ATP6V1G2: variants seen among roughly 807,000 people sequenced by gnomAD.
The protein encoded by ATP6V1G2 is V-type proton ATPase subunit G 2.
ATP6V1G2 carries 14 observed loss-of-function variants against 17.8 expected under a neutral mutation model. That is an observed-to-expected ratio of 0.79 (90% CI 0.52 to 1.23). ATP6V1G2 has a LOEUF of 1.23. Among genes scored for constraint, ATP6V1G2 ranks in the 50% most tolerant of loss-of-function variants. The pLI is 0.00. For synonymous variants in ATP6V1G2, 57 were observed against 54.8 expected, an observed-to-expected ratio of 1.04 and a Z score of -0.17; for missense variants, 112 against 152.2, an observed-to-expected ratio of 0.74 and a Z score of 1.39.
Position 31,544,502 on chromosome 6 carries a change from G to T in ATP6V1G2, c.*906C>A. 2 of 224,778 alleles carry T rather than the reference G, an allele frequency of 8.9e-6. No individual in the cohort carries two copies. The highest frequency in any genetic ancestry group is 1.8e-3 in the Middle Eastern group (1 of 544). The allele number at this position is 224,778 out of a possible 1,614,324, so 13.9% of individuals were successfully genotyped here. A position where few individuals can be genotyped will look rare whatever the true frequency, so the allele number is the denominator to read the frequency against. ...TTATTTTATTGATACTTTTTTTATT[G>T]TTACAATGGGAAAGTAAGGTGTCAA... On this transcript the variant is annotated 3_prime_UTR_variant, in exon 3 of 3. Coordinates refer to ENST00000303892, the MANE Select transcript of ATP6V1G2 (RefSeq NM_130463.4).
Position 31,545,930 on chromosome 6 carries a change from A to G in ATP6V1G2, c.183+179T>C. ...CCCACAAGCTCTATGTGGCCTTCAA[A>G]ACTCCCAGACTCTCCTACATATCAT... On this transcript the variant is annotated intron_variant, in intron 2 of 2. Coordinates refer to ENST00000303892, the MANE Select transcript of ATP6V1G2 (RefSeq NM_130463.4). The surrounding 1 kb of genome is among the most constrained non-coding windows in gnomAD (Gnocchi z 4.9). 1 of 656,242 alleles carries G rather than the reference A, an allele frequency of 1.5e-6. No individual in the cohort carries two copies. Among genetic ancestry groups the G allele is most frequent in the Non-Finnish European group, 2.7e-6 (1 of 373,080 alleles). 40.7% of individuals were successfully genotyped at this position (656,242 alleles called of 1,614,324 possible). A position where few individuals can be genotyped will look rare whatever the true frequency, so the allele number is the denominator to read the frequency against.
At chr6:31,546,616 A>AC (rs201666140), upstream of ATP6V1G2, 415 of 1,504,518 alleles carry the variant, frequency 2.8e-4, 4 homozygotes, top group East Asian at 8.4e-3. This position sits in a 1 kb window ranked among gnomAD's most constrained non-coding sequence, Gnocchi z 4.1. Context: ...GATGGCTCCC[A>AC]CCCCCCACCG....
rs2150355110 is a variant in ATP6V1G2, at chr6:31,545,603, G to A, written c.184-22C>T. 1.9e-6 allele frequency: 3 copies of A among 1,609,744 alleles called. No homozygotes were observed. Among genetic ancestry groups the A allele is most frequent in the Non-Finnish European group, 2.5e-6 (3 of 1,178,152 alleles). On this transcript the variant is annotated intron_variant, in intron 2 of 2. Transcript: ENST00000303892. This position sits in a 1 kb window ranked among gnomAD's most constrained non-coding sequence, Gnocchi z 4.9. ...TGGCCTGGGGGGTAGGGAGAGGGGT[G>A]GAAGAGAGAAAGGGAAAAGCAGAAA...
At position 31,545,878 on chromosome 6, in the gene ATP6V1G2, A is replaced by G; in HGVS notation, c.183+231T>C. ...GTTAATCATACTCCACATAGATGTT[A>G]TACTTTACACAGACTGTGGCATTCC... On this transcript the variant is annotated intron_variant, in intron 2 of 2. Coordinates refer to ENST00000303892, the MANE Select transcript of ATP6V1G2 (RefSeq NM_130463.4). The surrounding 1 kb of genome is among the most constrained non-coding windows in gnomAD (Gnocchi z 4.9). 1 of 615,056 alleles carries G rather than the reference A, an allele frequency of 1.6e-6. No individual in the cohort carries two copies. The highest frequency in any genetic ancestry group is 2.9e-6 in the Non-Finnish European group (1 of 347,606). The allele number at this position is 615,056 out of a possible 1,614,324, so 38.1% of individuals were successfully genotyped here. A position where few individuals can be genotyped will look rare whatever the true frequency, so the allele number is the denominator to read the frequency against.
Position 31,546,204 on chromosome 6 carries a change from C to T in ATP6V1G2, c.88G>A (p.Ala30Thr). 3.1e-6 allele frequency: 5 copies of T among 1,613,974 alleles called. No homozygotes were observed. Among genetic ancestry groups the T allele is most frequent in the Non-Finnish European group, 4.2e-6 (5 of 1,180,006 alleles). The change falls in exon 2 of 3, where the codon GCC (alanine) becomes ACC (threonine). Residue 30 changes from alanine to threonine, a missense_variant. Physicochemically the swap from Ala to Thr is moderately conservative, Grantham distance 58 (BLOSUM62 0). Transcript: ENST00000303892. This position sits in a 1 kb window ranked among gnomAD's most constrained non-coding sequence, Gnocchi z 4.1. Reference sequence around the variant, plus strand: ...TCCTTTGCCTGCTTCAGTCGCCGGGCCTTCCCTGGAGGCAGAAGAAAGGAC... The same window carrying T: ...TCCTTTGCCTGCTTCAGTCGCCGGGTCTTCCCTGGAGGCAGAAGAAAGGAC... ...EKVADARKRK[A>T]RRLKQAKEEA...
At chr6:31,546,674 G>A, upstream of ATP6V1G2, 2 of 887,714 alleles carry the variant, frequency 2.3e-6, no homozygotes, top group South Asian at 2.8e-5. The surrounding 1 kb of genome is among the most constrained non-coding windows in gnomAD (Gnocchi z 4.1). Context: ...CACTACCCCT[G>A]GGTCTTAGTG....
In ATP6V1G2 at chr6:31,544,797, A is replaced by G. The variant is rs1768832927; in HGVS notation, c.*611T>C. 2 of 456,220 alleles carry G rather than the reference A, an allele frequency of 4.4e-6. No individual in the cohort carries two copies. Among genetic ancestry groups the G allele is most frequent in the Non-Finnish European group, 8.8e-6 (2 of 226,836 alleles). 28.3% of individuals were successfully genotyped at this position (456,220 alleles called of 1,614,324 possible). On this transcript the variant is annotated 3_prime_UTR_variant, in exon 3 of 3. Transcript: ENST00000303892. ...AGAACCAATTTTTCAGAAAATAACT[A>G]GGGTCACAGAATGAACAAGTGGAAT...
rs536612683 is a variant in ATP6V1G2 at position 31,544,898 on chromosome 6, C to G, written c.*510G>C. 2.5e-5 allele frequency: 10 copies of G among 402,244 alleles called. No individual in the cohort carries two copies. The highest frequency in any genetic ancestry group is 2.1e-4 in the African/African-American group (10 of 48,032). 24.9% of individuals were successfully genotyped at this position (402,244 alleles called of 1,614,324 possible). A position where few individuals can be genotyped will look rare whatever the true frequency, so the allele number is the denominator to read the frequency against. ...TGAGCAGGTGGTGGTAATAGTATCA[C>G]AGGGTTGCTACTTACTGAATCACTG... On this transcript the variant is annotated 3_prime_UTR_variant, in exon 3 of 3. Coordinates refer to ENST00000303892, the MANE Select transcript of ATP6V1G2 (RefSeq NM_130463.4).
Position 31,546,446 on chromosome 6 carries a change from C to G in ATP6V1G2, c.82+32G>C. On this transcript the variant is annotated intron_variant, in intron 1 of 2. Coordinates refer to ENST00000303892, the MANE Select transcript of ATP6V1G2 (RefSeq NM_130463.4). This position sits in a 1 kb window ranked among gnomAD's most constrained non-coding sequence, Gnocchi z 4.1. ...TGTCCCCCACCCCCAATTTTCTTTC[C>G]AAACTCCTAAGGGAGGAAAGAGGAG... 6.2e-7 allele frequency: 1 copy of G among 1,604,834 alleles called. No homozygotes were observed. The highest frequency in any genetic ancestry group is 8.5e-7 in the Non-Finnish European group (1 of 1,172,674).
chr6:31,545,685 G>T lies in ATP6V1G2; in HGVS notation c.184-104C>A, dbSNP rs760130119. ...ATCCTGAAACAAAGCCTAGAAGAAA[G>T]GCCCTCTCAGAAACCACCCCCATCC... On this transcript the variant is annotated intron_variant, in intron 2 of 2. Coordinates refer to ENST00000303892, the MANE Select transcript of ATP6V1G2 (RefSeq NM_130463.4). The surrounding 1 kb of genome is among the most constrained non-coding windows in gnomAD (Gnocchi z 4.9). 7 of 1,305,228 alleles carry T rather than the reference G, an allele frequency of 5.4e-6. No individual in the cohort carries two copies. The highest frequency in any genetic ancestry group is 7.2e-6 in the Non-Finnish European group (7 of 969,626). The allele number at this position is 1,305,228 out of a possible 1,614,324, so 80.9% of individuals were successfully genotyped here.
chr6:31,545,795 G>T lies in ATP6V1G2; in HGVS notation c.184-214C>A. ...ATGCAACTTCATCCTAAAACAGACC[G>T]TAATATCCCCACCACCTCACCATCC... On this transcript the variant is annotated intron_variant, in intron 2 of 2. Transcript: ENST00000303892. This position sits in a 1 kb window ranked among gnomAD's most constrained non-coding sequence, Gnocchi z 4.9. The T allele has an allele frequency of 3.2e-6, 2 of 627,038 alleles. No individual in the cohort carries two copies. The highest frequency in any genetic ancestry group is 5.5e-6 in the Non-Finnish European group (2 of 361,318). The allele number at this position is 627,038 out of a possible 1,614,324, so 38.8% of individuals were successfully genotyped here. A position where few individuals can be genotyped will look rare whatever the true frequency, so the allele number is the denominator to read the frequency against.
Position 31,544,931 on chromosome 6 carries a change from A to G in ATP6V1G2, c.*477T>C, listed in dbSNP as rs1184188929. 2.7e-6 allele frequency: 1 copy of G among 373,468 alleles called. No homozygotes were observed. The highest frequency in any genetic ancestry group is 2.1e-5 in the African/African-American group (1 of 47,214). 23.1% of individuals were successfully genotyped at this position (373,468 alleles called of 1,614,324 possible). On this transcript the variant is annotated 3_prime_UTR_variant, in exon 3 of 3. Coordinates refer to ENST00000303892, the MANE Select transcript of ATP6V1G2 (RefSeq NM_130463.4). The stretch of plus-strand genomic sequence containing the variant: ...CTACTTACTGAATCACTGCTACAAC[A>G]TGCAAGGAACTGTGCTAGACTTTAC...
chr6:31,545,252 G>C lies in ATP6V1G2; in HGVS notation c.*156C>G. ...CAACAAGGAGATTCAGATGTGAGCA[G>C]GATATTTATAAGTGTCACAGGAAAA... is the stretch of plus-strand genomic sequence containing the variant. On this transcript the variant is annotated 3_prime_UTR_variant, in exon 3 of 3. Transcript: ENST00000303892. This position sits in a 1 kb window ranked among gnomAD's most constrained non-coding sequence, Gnocchi z 4.9. The C allele has an allele frequency of 1.2e-6, 1 of 861,532 alleles. No individual in the cohort carries two copies. 53.4% of individuals were successfully genotyped at this position (861,532 alleles called of 1,614,324 possible). A position where few individuals can be genotyped will look rare whatever the true frequency, so the allele number is the denominator to read the frequency against.
Position 31,545,465 on chromosome 6 carries a change from A to G in ATP6V1G2, c.300T>C (p.Leu100=), listed in dbSNP as rs569374123. 9 of 1,614,086 alleles carry G rather than the reference A, an allele frequency of 5.6e-6. No homozygotes were observed. In the Admixed American group the frequency reaches 1.3e-4, roughly 24 times the overall value. The change falls in exon 3 of 3, where the codon CTT becomes CTC. Residue 100 remains leucine (L), a synonymous_variant. Transcript: ENST00000303892. This position sits in a 1 kb window ranked among gnomAD's most constrained non-coding sequence, Gnocchi z 4.9. The part of the protein sequence containing the change: ...RNRERVLAQL[L]GMVCDVRPQV... The stretch of plus-strand genomic sequence containing the variant: ...GGGGCCTGACGTCGCAGACCATGCC[A>G]AGAAGCTGGGCCAGGACACGCTCTC...
In ATP6V1G2 at chr6:31,545,491, G is replaced by C. The variant is rs200350126; in HGVS notation, c.274C>G (p.Arg92Gly). 1.9e-6 allele frequency: 3 copies of C among 1,614,020 alleles called. No homozygotes were observed. The highest frequency in any genetic ancestry group is 2.2e-5 in the East Asian group (1 of 44,882). Residue 92 changes from arginine to glycine, a missense_variant, in exon 3 of 3, where the codon CGA (arginine) becomes GGA (glycine). Transcript: ENST00000303892. This position sits in a 1 kb window ranked among gnomAD's most constrained non-coding sequence, Gnocchi z 4.9. ...QGMQSSQQRN[R>G]ERVLAQLLGM... The stretch of plus-strand genomic sequence containing the variant: ...AGAAGCTGGGCCAGGACACGCTCTC[G>C]GTTTCTCTGCTGGGAGCTCTGCATG...
At chr6:31,546,633 TCTC>T (rs1482114299), upstream of ATP6V1G2, 29 of 1,390,852 alleles carry the variant, frequency 2.1e-5, no homozygotes, top group South Asian at 5.8e-5. This position sits in a 1 kb window ranked among gnomAD's most constrained non-coding sequence, Gnocchi z 4.1. Context: ...ACCGCTTACT[TCTC>T]CTCCTCCAGC....
In ATP6V1G2 at chr6:31,544,587, A is replaced by G. The variant is rs1000782414; in HGVS notation, c.*821T>C. On this transcript the variant is annotated 3_prime_UTR_variant, in exon 3 of 3. Transcript: ENST00000303892. ...CACAGTATCATTTTAGATCTTAGAA[A>G]GCAATGAGCATCTGATAAGTCTTTG... The G allele has an allele frequency of 2.5e-6, 1 of 399,986 alleles. No individual in the cohort carries two copies. The highest frequency in any genetic ancestry group is 5.0e-6 in the Non-Finnish European group (1 of 201,460). The allele number at this position is 399,986 out of a possible 1,614,324, so 24.8% of individuals were successfully genotyped here.
Position 31,545,688 on chromosome 6 carries a change from C to G in ATP6V1G2, c.184-107G>C. 1 of 1,289,952 alleles carries G rather than the reference C, an allele frequency of 7.8e-7. No individual in the cohort carries two copies. The highest frequency in any genetic ancestry group is 1.0e-6 in the Non-Finnish European group (1 of 956,664). 79.9% of individuals were successfully genotyped at this position (1,289,952 alleles called of 1,614,324 possible). ...CTGAAACAAAGCCTAGAAGAAAGGC[C>G]CTCTCAGAAACCACCCCCATCCCAC... is the stretch of plus-strand genomic sequence containing the variant. On this transcript the variant is annotated intron_variant, in intron 2 of 2. Coordinates refer to ENST00000303892, the MANE Select transcript of ATP6V1G2 (RefSeq NM_130463.4). This position sits in a 1 kb window ranked among gnomAD's most constrained non-coding sequence, Gnocchi z 4.9.
Position 31,546,155 on chromosome 6 carries a change from T to C in ATP6V1G2, c.137A>G (p.Gln46Arg). 1.2e-6 allele frequency: 2 copies of C among 1,614,096 alleles called. No homozygotes were observed. Among genetic ancestry groups the C allele is most frequent in the Non-Finnish European group, 1.7e-6 (2 of 1,180,030 alleles). The change falls in exon 2 of 3, where the codon CAA becomes CGA. Residue 46 changes from glutamine to arginine, a missense_variant. By Grantham distance (43) the Gln-to-Arg change is conservative (BLOSUM62 1). Transcript: ENST00000303892. The surrounding 1 kb of genome is among the most constrained non-coding windows in gnomAD (Gnocchi z 4.1). Reference protein sequence around the residue: ...AKEEAQMEVEQYRREREHEFQ... With the variant: ...AKEEAQMEVERYRREREHEFQ... ...TTCGTGCTCTCGCTCTCTGCGGTATTGCTCCACCTCCATCTGTGCCTCCTC... is the reference window on the plus strand; with the variant it reads ...TTCGTGCTCTCGCTCTCTGCGGTATCGCTCCACCTCCATCTGTGCCTCCTC...
Sources: allele counts gnomAD v4.1 joint callset, GRCh38; gene constraint gnomAD v4.1.1; non-coding constraint Gnocchi (gnomAD v3.1); transcripts MANE v1.5; gene names NCBI Gene and HGNC (gene_info 2026-07-23, HGNC 2026-07-21).